The following LAMB3 variants were observed in gnomAD, a reference collection of about 807,000 sequenced individuals.
LAMB3 encodes the protein laminin subunit beta 3.
LAMB3 carries 104 observed loss-of-function variants against 140.3 expected under a neutral mutation model. The ratio of observed to expected loss-of-function variants is 0.74; its 90% confidence interval spans 0.63 to 0.87. LAMB3 has a LOEUF of 0.87. Among genes scored for constraint, LAMB3 ranks in the 40% least tolerant of loss-of-function variants. The pLI is 0.00. For synonymous variants in LAMB3, 592 were observed against 602.9 expected (o/e 0.98, Z 0.26); for missense variants, 1,531 against 1,575.2 (o/e 0.97, Z 0.47).
chr1:209,616,985 T>C (rs1240531266), intron 21 of LAMB3, among the ~76,000 whole-genome samples: 1 of 152,262 alleles, frequency 6.6e-6, no homozygotes, highest in African/African-American at 2.4e-5. Flanking sequence ...GGTAGTGTGC[T>C]TGAGACACTG....
At chr1:209,643,476 A>G (rs781135055) in intron 3 of LAMB3, among the ~76,000 whole-genome samples, 1 of 152,208 alleles carries the variant, frequency 6.6e-6, no homozygotes, top group African/African-American at 2.4e-5. Flanking sequence ...CCAGCTGGAA[A>G]GGCTAGGCCT....
chr1:209,648,272 T>C (rs1245003181), intron 3 of LAMB3, among the ~76,000 whole-genome samples: 1 of 152,160 alleles, frequency 6.6e-6, no homozygotes, highest in Non-Finnish European at 1.5e-5. Context: ...CATCTAATAC[T>C]CACTTACAGA....
At chr1:209,624,053 C>T (rs1666326269) in intron 14 of LAMB3, 53 bp from the exon 15 acceptor site, 8 of 1,528,384 alleles carry the variant, frequency 5.2e-6, no homozygotes, top group Non-Finnish European at 7.2e-6. Context: ...TTTGCCTCCC[C>T]AAAGCAGCTA....
chr1:209,628,957 A>G (rs559733045), intron 10 of LAMB3, among the ~76,000 whole-genome samples: 2 of 152,338 alleles, frequency 1.3e-5, no homozygotes, highest in Admixed American at 1.3e-4. Context: ...AGTTCTCATT[A>G]CAAGTTCATG....
intron 18 of LAMB3, 49 bp downstream of exon 18, chr1:209,622,487 A>G: frequency 1.2e-6 from 2 of 1,609,306 alleles, no homozygotes; most frequent in South Asian, 2.2e-5. Flanking sequence ...GGAATGCGGG[A>G]CAGGCAGGAC....
intron 3 of LAMB3, among the ~76,000 whole-genome samples, chr1:209,649,160 C>T (rs562511949): frequency 6.6e-6 from 1 of 152,292 alleles, no homozygotes; most frequent in South Asian, 2.1e-4. Context: ...GCCCAGAAGA[C>T]AAGGGCAGCC....
intron 10 of LAMB3, 40 bp downstream of exon 10, chr1:209,629,695 AAC>A (rs1340004364): frequency 6.3e-7 from 1 of 1,582,378 alleles, no homozygotes; most frequent in East Asian, 2.2e-5. Flanking sequence ...GATGGGGAGT[AAC>A]AGACAAATGA....
intron 3 of LAMB3, among the ~76,000 whole-genome samples, chr1:209,641,778 G>A (rs1004049132): frequency 6.6e-6 from 1 of 152,152 alleles, no homozygotes; most frequent in Non-Finnish European, 1.5e-5. Flanking sequence ...TCCTTTCTGG[G>A]CAAGAGAAGG....
In LAMB3 at chr1:209,629,927, T is replaced by C. The variant is rs749288237; in HGVS notation, c.944-2A>G. On this transcript the variant is annotated splice_acceptor_variant, in intron 9 of 22. Coordinates refer to ENST00000356082, the MANE Select transcript of LAMB3 (RefSeq NM_000228.3). LOFTEE classifies it high-confidence loss of function. ...CTGAGTGCCCATTGCAGTCGCACCC[T>C]GGAAAAAGAGAGTCCCAGGGCTGAC... 1.2e-6 allele frequency: 2 copies of C among 1,613,688 alleles called. No individual in the cohort carries two copies. The highest frequency in any genetic ancestry group is 8.5e-7 in the Non-Finnish European group (1 of 1,179,946).
chr1:209,640,142 C>T (rs911963588), intron 3 of LAMB3, among the ~76,000 whole-genome samples: 8 of 152,236 alleles, frequency 5.3e-5, no homozygotes, highest in African/African-American at 1.4e-4. Flanking sequence ...AGAGAACTAT[C>T]ACCCTTCCTA....
chr1:209,626,424 G>T (rs1666457263), intron 13 of LAMB3, among the ~76,000 whole-genome samples: 1 of 152,176 alleles, frequency 6.6e-6, no homozygotes, highest in Non-Finnish European at 1.5e-5. Context: ...TGAGGCAGGG[G>T]CAGAGCTGGG....
chr1:209,624,249 T>G (rs1288490663), intron 14 of LAMB3, among the ~76,000 whole-genome samples: 1 of 152,118 alleles, frequency 6.6e-6, no homozygotes, highest in African/African-American at 2.4e-5. Flanking sequence ...GACCCAACAT[T>G]CCCAATTCTC....
At chr1:209,640,921 A>C (rs1252795180) in intron 3 of LAMB3, among the ~76,000 whole-genome samples, 1 of 151,752 alleles carries the variant, frequency 6.6e-6, no homozygotes, top group East Asian at 1.9e-4. Context: ...CTCTACTAAA[A>C]ATACAAAAAA....
At chr1:209,639,520 T>C (rs1235685693) in intron 3 of LAMB3, among the ~76,000 whole-genome samples, 2 of 152,080 alleles carry the variant, frequency 1.3e-5, no homozygotes, top group African/African-American at 2.4e-5. Context: ...CTGAACCCCA[T>C]AGGTTTCATG....
Position 209,623,957 on chromosome 1 carries a change from C to T in LAMB3, c.2020G>A (p.Glu674Lys). ...GLQLDLPLEE[E>K]TLSLPRDLES... ...AGGTCTCTCGGAAGGGACAACGTCTCCTCCTCCAGGGGCAGATCCAGCTGC... is the reference window on the plus strand; with the variant it reads ...AGGTCTCTCGGAAGGGACAACGTCTTCTCCTCCAGGGGCAGATCCAGCTGC... Residue 674 changes from glutamate (E) to lysine (K), a missense_variant, in exon 15 of 23, where the codon GAG becomes AAG. Transcript: ENST00000356082. The surrounding 1 kb of genome is among the most constrained non-coding windows in gnomAD (Gnocchi z 4.2). 1.2e-6 allele frequency: 2 copies of T among 1,614,032 alleles called. No homozygotes were observed. Among genetic ancestry groups the T allele is most frequent in the Non-Finnish European group, 1.7e-6 (2 of 1,180,006 alleles).
rs913797158 is a variant in LAMB3 at position 209,616,372 on chromosome 1, C to T, written c.3382+99G>A. ...CTCATTTGATCTCACTCCCATAGCA[C>T]GGCTAGCTCCAATAAGAACGGGCTT... is the stretch of plus-strand genomic sequence containing the variant. On this transcript the variant is annotated intron_variant, in intron 22 of 22. Coordinates refer to ENST00000356082, the MANE Select transcript of LAMB3 (RefSeq NM_000228.3). 109 of 1,368,510 alleles carry T rather than the reference C, an allele frequency of 8.0e-5. 1 individual carries two copies. In the Middle Eastern group the frequency reaches 9.4e-4, roughly 12 times the overall value. 84.8% of individuals were successfully genotyped at this position (1,368,510 alleles called of 1,614,324 possible). A position where few individuals can be genotyped will look rare whatever the true frequency, so the allele number is the denominator to read the frequency against.
Position 209,618,529 on chromosome 1 carries a change from G to A in LAMB3, c.2832C>T (p.Asn944=), listed in dbSNP as rs112109122. ...EIQAIAARLP[N]VDLVLSQTKQ... ...TGGTCTGGGACAGCACCAAGTCCAC[G>A]TTGGGGAGCCTGGCTGCAATGGCCT... Residue 944 remains asparagine, a synonymous_variant, in exon 19 of 23, where the codon AAC becomes AAT. Coordinates refer to ENST00000356082, the MANE Select transcript of LAMB3 (RefSeq NM_000228.3). The A allele has an allele frequency of 2.5e-5, 41 of 1,614,158 alleles. No homozygotes were observed. Among genetic ancestry groups the A allele is most frequent in the African/African-American group, 1.3e-4 (10 of 74,948 alleles).
At chr1:209,641,688 G>T (rs1335604333) in intron 3 of LAMB3, among the ~76,000 whole-genome samples, 1 of 152,212 alleles carries the variant, frequency 6.6e-6, no homozygotes, top group Admixed American at 6.5e-5. Flanking sequence ...AAGAAACGGG[G>T]CTTCTCCAGC....
intron 5 of LAMB3, among the ~76,000 whole-genome samples, chr1:209,637,541 C>A (rs1033219737): frequency 4.6e-5 from 7 of 151,992 alleles, no homozygotes; most frequent in African/African-American, 1.7e-4. Flanking sequence ...TAGGCAAGTT[C>A]TTGGCTGCTT....
Sources: allele counts gnomAD v4.1 joint callset (sites outside exome capture counted in the v4.1 genomes callset), GRCh38; gene constraint gnomAD v4.1.1; non-coding constraint Gnocchi (gnomAD v3.1); transcripts MANE v1.5; gene names NCBI Gene and HGNC (gene_info 2026-07-23, HGNC 2026-07-21).